Variants in PKD1 observed in about 807,000 individuals in gnomAD.
PKD1 encodes polycystin 1, transient receptor potential channel interacting.
PKD1 carries 81 observed loss-of-function variants against 361.7 expected under a neutral mutation model. The observed-to-expected ratio is 0.22, with a 90% CI of 0.19 to 0.27. The LOEUF (loss-of-function observed/expected upper bound fraction) is 0.27, where lower values mean the gene tolerates loss of function less well. PKD1 is among the 10% of genes least tolerant of loss of function. PKD1 has a pLI of 1.00. For synonymous variants in PKD1, 3,615 were observed against 2,818.3 expected (o/e 1.28, Z -8.95); for missense variants, 6,399 against 6,118.3 (o/e 1.05, Z -1.53).
Position 2,103,570 on chromosome 16 carries a change from C to T in PKD1, c.8487G>A (p.Val2829=), listed in dbSNP as rs771880093. The change falls in exon 23 of 46, where the codon GTG becomes GTA. Residue 2829 remains valine, a synonymous_variant. Transcript: ENST00000262304. ...AGCCAAAGGGAAAGGGATTGGAGTC[C>T]ACCAGAAAGATGAGCTGCACCACGT... ...LSDVVQLIFL[V]DSNPFPFGYI... is the part of the protein sequence containing the mutation. 6.8e-6 allele frequency: 11 copies of T among 1,610,156 alleles called. No homozygotes were observed. The highest frequency in any genetic ancestry group is 5.5e-5 in the South Asian group (5 of 90,992).
rs557823188 is a variant in PKD1, at chr16:2,100,331, G to A, written c.9569-22C>T. Reference sequence around the variant, plus strand: ...AGCCCTGCAGAGGCGCAGGAGGGAGGTCAGGCTCGCAGGGCGCCCCAATGC... The same window carrying A: ...AGCCCTGCAGAGGCGCAGGAGGGAGATCAGGCTCGCAGGGCGCCCCAATGC... On this transcript the variant is annotated intron_variant, in intron 27 of 45. Transcript: ENST00000262304. This position sits in a 1 kb window ranked among gnomAD's most constrained non-coding sequence, Gnocchi z 4.4. The A allele has an allele frequency of 5.5e-5, 89 of 1,610,186 alleles. No homozygotes were observed. In the Admixed American group the frequency reaches 1.3e-3, roughly 24 times the overall value.
In PKD1 at chr16:2,118,105, G is replaced by A. The variant is rs563193268; in HGVS notation, c.887C>T (p.Ala296Val). ...SGQLAAFHIA[A>V]PLPVTATRWD... is the part of the protein sequence containing the mutation. ...GCGTGTGGCAGTGACAGGGAGCGGGGCAGCGATGTGGAAGGCTGCTAGCTG... is the reference window on the plus strand; with the variant it reads ...GCGTGTGGCAGTGACAGGGAGCGGGACAGCGATGTGGAAGGCTGCTAGCTG... Residue 296 changes from alanine to valine, a missense_variant, in exon 5 of 46, where the codon GCC becomes GTC. Physicochemically the swap from Ala to Val is moderately conservative, Grantham distance 64. Transcript: ENST00000262304. The surrounding 1 kb of genome is among the most constrained non-coding windows in gnomAD (Gnocchi z 6.0). The A allele has an allele frequency of 3.1e-5, 49 of 1,605,862 alleles. No homozygotes were observed. In the African/African-American group the frequency reaches 3.3e-4, roughly 11 times the overall value.
chr16:2,090,267 C>T lies in PKD1; in HGVS notation c.12444+18G>A, dbSNP rs369171457. Reference sequence around the variant, plus strand: ...AGCCCAGGGCGTGTCCCTCTCCCCCCCACTGGGCCGTACCCACCTCCTTGA... The same window carrying T: ...AGCCCAGGGCGTGTCCCTCTCCCCCTCACTGGGCCGTACCCACCTCCTTGA... On this transcript the variant is annotated intron_variant, in intron 45 of 45. Coordinates refer to ENST00000262304, the MANE Select transcript of PKD1 (RefSeq NM_001009944.3). The T allele has an allele frequency of 4.4e-6, 7 of 1,608,618 alleles. No individual in the cohort carries two copies. The highest frequency in any genetic ancestry group is 2.2e-5 in the East Asian group (1 of 44,790).
rs1362036491 is a variant in PKD1, at chr16:2,114,261, T to C, written c.2762A>G (p.Asn921Ser). The change falls in exon 11 of 46, where the codon AAC (asparagine) becomes AGC (serine). Residue 921 changes from asparagine to serine, a missense_variant. Coordinates refer to ENST00000262304, the MANE Select transcript of PKD1 (RefSeq NM_001009944.3). ...CTCCGCCGTCACCCGCAGGCTGAGG[T>C]TGGCCCGGCTGGCGCTGTTTTCCAC... ...VVVENSASRA[N>S]LSLRVTAEEP... is the part of the protein sequence containing the mutation. 6.2e-7 allele frequency: 1 copy of C among 1,610,240 alleles called. No individual in the cohort carries two copies. Among genetic ancestry groups the C allele is most frequent in the South Asian group, 1.1e-5 (1 of 90,966 alleles).
chr16:2,111,231 C>A lies in PKD1; in HGVS notation c.3936G>T (p.Arg1312=), dbSNP rs374599599. ...GGTTCCCGGTGACGTAGGCCGTGAG[C>A]CGCGCGTCAGGCTGCGTGGGGATGC... ...AACIPTQPDA[R]LTAYVTGNPA... The change falls in exon 15 of 46, where the codon CGG becomes CGT. Residue 1312 remains arginine (R), a synonymous_variant. Transcript: ENST00000262304. The A allele has an allele frequency of 6.2e-7, 1 of 1,610,814 alleles. No individual in the cohort carries two copies. The highest frequency in any genetic ancestry group is 8.5e-7 in the Non-Finnish European group (1 of 1,179,660).
rs764528545 is a variant in PKD1 at position 2,089,808 on chromosome 16, G to A, written c.12831C>T (p.Ala4277=). 8.1e-6 allele frequency: 13 copies of A among 1,600,368 alleles called. No individual in the cohort carries two copies. Among genetic ancestry groups the A allele is most frequent in the South Asian group, 3.4e-5 (3 of 89,388 alleles). ...CAGTGGCCAGGTCCACACCCCGACT[G>A]GCCCGGGCAAGGCGGCTGGGCAGTG... The part of the protein sequence containing the change: ...RPALPSRLAR[A]SRGVDLATGP... The change falls in exon 46 of 46, where the codon GCC becomes GCT. Residue 4277 remains alanine (A), a synonymous_variant. Coordinates refer to ENST00000262304, the MANE Select transcript of PKD1 (RefSeq NM_001009944.3).
Position 2,115,972 on chromosome 16 carries a change from C to G in PKD1, c.1849+20G>C. The G allele has an allele frequency of 6.5e-7, 1 of 1,541,282 alleles. No individual in the cohort carries two copies. The highest frequency in any genetic ancestry group is 8.8e-7 in the Non-Finnish European group (1 of 1,140,554). On this transcript the variant is annotated intron_variant, in intron 9 of 45. Transcript: ENST00000262304. ...GTCCTGCGGCGCCCACCACCCACCA[C>G]CCACCACCCAGAGTCCCACCTGCTG...
Position 2,111,723 on chromosome 16 carries a change from C to A in PKD1, c.3444G>T (p.Pro1148=). The change falls in exon 15 of 46, where the codon CCG becomes CCT. Residue 1148 remains proline, a synonymous_variant. Coordinates refer to ENST00000262304, the MANE Select transcript of PKD1 (RefSeq NM_001009944.3). ...CACCCCCAGGCGAGGGCAGCGGGTG[C>A]GGGTAGAAGGTGACGGGCCGGCCGG... is the stretch of plus-strand genomic sequence containing the variant. The part of the protein sequence containing the change: ...LVAGRPVTFY[P]HPLPSPGGVL... 1 of 1,593,064 alleles carries A rather than the reference C, an allele frequency of 6.3e-7. No homozygotes were observed. Among genetic ancestry groups the A allele is most frequent in the Non-Finnish European group, 8.5e-7 (1 of 1,171,454 alleles).
Position 2,091,193 on chromosome 16 carries a change from G to C in PKD1, c.11713-19C>G, listed in dbSNP as rs1364550424. 3.8e-6 allele frequency: 5 copies of C among 1,323,862 alleles called. No individual in the cohort carries two copies. Among genetic ancestry groups the C allele is most frequent in the Non-Finnish European group, 4.8e-6 (5 of 1,042,680 alleles). The allele number at this position is 1,323,862 out of a possible 1,614,324, so 82.0% of individuals were successfully genotyped here. On this transcript the variant is annotated intron_variant, in intron 42 of 45. Coordinates refer to ENST00000262304, the MANE Select transcript of PKD1 (RefSeq NM_001009944.3). ...GGCACACCTGTGGGGGGCGCGGTCAGGAGGGCGGGAGGGACGCTGCCGGGG... is the reference window on the plus strand; with the variant it reads ...GGCACACCTGTGGGGGGCGCGGTCACGAGGGCGGGAGGGACGCTGCCGGGG...
intron 22 of PKD1, 112 bp downstream of exon 22, chr16:2,104,386 G>A (rs1490605171): frequency 3.3e-5 from 20 of 614,008 alleles, no homozygotes; most frequent in East Asian, 3.0e-5. Flanking sequence ...TGGGGGGAGG[G>A]GAGGGGGACG....
Position 2,114,680 on chromosome 16 carries a change from C to T in PKD1, c.2343G>A (p.Leu781=). ...GTCCAGGGTTGGGCCTCAAGCCCAG[C>T]AGCACGGTGAGCTGTTCCGTGGCTG... ...LLAATEQLTV[L]LGLRPNPGLR... The change falls in exon 11 of 46, where the codon CTG becomes CTA. Residue 781 remains leucine, a synonymous_variant. Transcript: ENST00000262304. The T allele has an allele frequency of 6.5e-7, 1 of 1,541,960 alleles. No individual in the cohort carries two copies. The highest frequency in any genetic ancestry group is 2.4e-5 in the East Asian group (1 of 41,384).
rs79884128 is a variant in PKD1 at position 2,110,493 on chromosome 16, C to T, written c.4674G>A (p.Thr1558=). Residue 1558 remains threonine, a synonymous_variant, in exon 15 of 46, where the codon ACG becomes ACA. Coordinates refer to ENST00000262304, the MANE Select transcript of PKD1 (RefSeq NM_001009944.3). The stretch of plus-strand genomic sequence containing the variant: ...TCACGCTCCCATTCAGGGGCACCAC[C>T]GTGCGGCTTGCATTGACGACGAGCC... ...VRGLVVNASR[T]VVPLNGSVSF... 0.076 allele frequency: 122,766 copies of T among 1,612,318 alleles called. 5,388 individuals are homozygous for T. Among genetic ancestry groups the T allele is most frequent in the East Asian group, 0.21 (9,390 of 44,888 alleles).
Position 2,100,246 on chromosome 16 carries a change from G to A in PKD1, c.9632C>T (p.Ala3211Val), listed in dbSNP as rs758715089. Residue 3211 changes from alanine to valine, a missense_variant, in exon 28 of 46, where the codon GCC (alanine) becomes GTC (valine). Ala to Val is a moderately conservative substitution (Grantham distance 64). Transcript: ENST00000262304. This position sits in a 1 kb window ranked among gnomAD's most constrained non-coding sequence, Gnocchi z 4.4. The part of the protein sequence containing the change: ...IVRDLQTARS[A>V]FFLVNDWLSV... Reference sequence around the variant, plus strand: ...AAGCCAGTCATTGACCAGGAAGAAGGCGCTGCGTGCCGTCTGCAGGTCCCT... The same window carrying A: ...AAGCCAGTCATTGACCAGGAAGAAGACGCTGCGTGCCGTCTGCAGGTCCCT... 6 of 1,610,730 alleles carry A rather than the reference G, an allele frequency of 3.7e-6. No homozygotes were observed. The highest frequency in any genetic ancestry group is 1.3e-5 in the African/African-American group (1 of 75,000).
At chr16:2,090,647 G>A (rs375521725) in intron 44 of PKD1, 27 bp downstream of exon 44, 28 of 1,610,314 alleles carry the variant, frequency 1.7e-5, no homozygotes, top group African/African-American at 1.1e-4. Flanking sequence ...GAGCTAAGAC[G>A]CCCTCCCCGG....
Position 2,110,634 on chromosome 16 carries a change from C to T in PKD1, c.4533G>A (p.Pro1511=), listed in dbSNP as rs566784894. The T allele has an allele frequency of 2.2e-5, 35 of 1,610,060 alleles. No homozygotes were observed. The highest frequency in any genetic ancestry group is 4.5e-5 in the East Asian group (2 of 44,870). ...TGCTGTTGTAAGCGTGGGTGACCTC[C>T]GGACCCTCGAGCCACCCACCGTCCC... is the stretch of plus-strand genomic sequence containing the variant. ...DLGDGGWLEG[P]EVTHAYNSTG... is the part of the protein sequence containing the mutation. Residue 1511 remains proline, a synonymous_variant, in exon 15 of 46, where the codon CCG becomes CCA. Transcript: ENST00000262304.
Position 2,106,483 on chromosome 16 carries a change from G to A in PKD1, c.7404C>T (p.Asn2468=), listed in dbSNP as rs1320087186. ...GGCAAGAGCCCCCCAGCGGCGGGCG[G>A]TTGGGGGACAGGCGGATGGAGGCGC... is the stretch of plus-strand genomic sequence containing the variant. ...EGCASIRLSP[N]RPPLGGSCRL... is the part of the protein sequence containing the mutation. The change falls in exon 18 of 46, where the codon AAC becomes AAT. Residue 2468 remains asparagine, a synonymous_variant. Transcript: ENST00000262304. The surrounding 1 kb of genome is among the most constrained non-coding windows in gnomAD (Gnocchi z 6.5). The A allele has an allele frequency of 1.3e-5, 21 of 1,593,054 alleles. No homozygotes were observed. Among genetic ancestry groups the A allele is most frequent in the East Asian group, 6.7e-5 (3 of 44,572 alleles).
In PKD1 at chr16:2,114,636, T is replaced by C; in HGVS notation, c.2387A>G (p.Tyr796Cys). Residue 796 changes from tyrosine (Y) to cysteine (C), a missense_variant, in exon 11 of 46, where the codon TAT becomes TGT. By Grantham distance (194) the Tyr-to-Cys change is radical. Transcript: ENST00000262304. ...ATTGCCCACCTCTGCCCGGACCTCA[T>C]AGCGCCCAGGCAGCCGCAGTCCAGG... ...PNPGLRLPGR[Y>C]EVRAEVGNGV... 1.3e-6 allele frequency: 2 copies of C among 1,566,948 alleles called. No homozygotes were observed. The highest frequency in any genetic ancestry group is 8.6e-7 in the Non-Finnish European group (1 of 1,165,650).
rs769345341 is a variant in PKD1, at chr16:2,103,688, G to A, written c.8369C>T (p.Pro2790Leu). ...GCCGCCATAGCACAGCAGGCTCCGC[G>A]GGTCCGAGCGCTTGCCCTGGGCCAC... ...EIVAQGKRSD[P>L]RSLLCYGGAP... Residue 2790 changes from proline to leucine, a missense_variant, in exon 23 of 46, where the codon CCG becomes CTG. Pro to Leu is a moderately conservative substitution (Grantham distance 98, BLOSUM62 -3). Transcript: ENST00000262304. 3.5e-5 allele frequency: 57 copies of A among 1,610,032 alleles called. No homozygotes were observed. In the Middle Eastern group the frequency reaches 6.8e-4, roughly 19 times the overall value.
intron 34 of PKD1, among the ~76,000 whole-genome samples, chr16:2,095,656 G>C (rs917098114): frequency 1.3e-5 from 2 of 152,232 alleles, no homozygotes; most frequent in South Asian, 2.1e-4. Context: ...GGAGGCTGCA[G>C]TGAGGAAGGA....
Sources: gnomAD v4.1 joint callset for allele counts (sites outside exome capture counted in the v4.1 genomes callset) on GRCh38, gnomAD v4.1.1 for gene constraint, Gnocchi (gnomAD v3.1) non-coding constraint, MANE v1.5 for transcripts, NCBI Gene and HGNC (gene_info 2026-07-23, HGNC 2026-07-21) for gene names.